CKMT2: variants seen among roughly 807,000 people sequenced by gnomAD.
The protein encoded by CKMT2 is creatine kinase S-type, mitochondrial.
A neutral mutation model predicts 48.9 loss-of-function variants in CKMT2; 43 were observed. The ratio of observed to expected loss-of-function variants is 0.88; its 90% CI spans 0.69 to 1.13. The LOEUF (loss-of-function observed/expected upper bound fraction) is 1.13. Among genes scored for constraint, CKMT2 ranks in the 50% most tolerant of loss-of-function variants. CKMT2 has a pLI of 0.00. For missense variants in CKMT2, 472 were observed against 555.4 expected, an observed-to-expected ratio of 0.85 and a Z score of 1.51; for synonymous variants, 206 against 213.0, an observed-to-expected ratio of 0.97 and a Z score of 0.29.
At chr5:81,253,498 G>A (rs1002316998) in intron 3 of CKMT2, among the ~76,000 whole-genome samples, 5 of 152,194 alleles carry the variant, frequency 3.3e-5, no homozygotes, top group African/African-American at 4.8e-5. Flanking sequence ...CCCCTCCACA[G>A]AGCAGCCTCT....
At chr5:81,241,283 A>G (rs1431294989) in intron 1 of CKMT2, among the ~76,000 whole-genome samples, 4 of 152,216 alleles carry the variant, frequency 2.6e-5, no homozygotes, top group Non-Finnish European at 5.9e-5. Context: ...TTACCCCACA[A>G]GCCCATGCAA....
At chr5:81,234,354 A>G (rs915281355) in intron 1 of CKMT2, among the ~76,000 whole-genome samples, 4 of 152,148 alleles carry the variant, frequency 2.6e-5, no homozygotes, top group African/African-American at 9.7e-5. Flanking sequence ...CGCTAGGTAC[A>G]CCAGTGTGCT....
Position 81,255,330 on chromosome 5 carries a change from T to C in CKMT2, c.669+116T>C, listed in dbSNP as rs949405230. The C allele has an allele frequency of 5.9e-5, 53 of 893,730 alleles. 1 individual carries two copies. Among genetic ancestry groups the C allele is most frequent in the Non-Finnish European group, 4.5e-5 (26 of 573,190 alleles). The allele number at this position is 893,730 out of a possible 1,614,324, so 55.4% of individuals were successfully genotyped here. A position where few individuals can be genotyped will look rare whatever the true frequency, so the allele number is the denominator to read the frequency against. ...TACCCTAGCTGGGAGCTTGCTGGGC[T>C]CCACCCCTGAGCTCAGCCCAAGAGC... On this transcript the variant is annotated intron_variant, in intron 5 of 9. Transcript: ENST00000254035.
intron 9 of CKMT2, among the ~76,000 whole-genome samples, chr5:81,264,156 C>A (rs1008057285): frequency 1.3e-5 from 2 of 152,156 alleles, no homozygotes; most frequent in African/African-American, 4.8e-5. Context: ...TCATAAAATC[C>A]TTAGGATTCT....
intron 9 of CKMT2, among the ~76,000 whole-genome samples, chr5:81,265,002 A>G (rs1232574382): frequency 1.3e-5 from 2 of 152,216 alleles, no homozygotes; most frequent in African/African-American, 4.8e-5. Flanking sequence ...AATCACAGTA[A>G]AGATAATCCA....
At chr5:81,263,771 T>C (rs1028081952) in intron 9 of CKMT2, among the ~76,000 whole-genome samples, 155 bp downstream of exon 9, 2 of 152,212 alleles carry the variant, frequency 1.3e-5, no homozygotes, top group African/African-American at 4.8e-5. Context: ...TGTAACATTA[T>C]TCTTCCATGG....
intron 1 of CKMT2, among the ~76,000 whole-genome samples, chr5:81,249,248 AG>A (rs1756719472): frequency 6.6e-6 from 1 of 152,116 alleles, no homozygotes; most frequent in South Asian, 2.1e-4. Context: ...TAGTAGAGAC[AG>A]GGTTTTGCTG....
At chr5:81,251,619 A>C (rs1486847037) in intron 2 of CKMT2, among the ~76,000 whole-genome samples, 9 of 152,150 alleles carry the variant, frequency 5.9e-5, no homozygotes, top group Admixed American at 1.3e-4. Context: ...AAAACAAAAA[A>C]AAATCTTCAA....
intron 1 of CKMT2, among the ~76,000 whole-genome samples, chr5:81,241,407 G>A (rs887446522): frequency 6.6e-6 from 1 of 152,116 alleles, no homozygotes; most frequent in Admixed American, 6.5e-5. Flanking sequence ...GGCTCCAGTC[G>A]ATTTTACAAC....
chr5:81,261,653 C>G (rs575219922), intron 8 of CKMT2, among the ~76,000 whole-genome samples: 1 of 152,094 alleles, frequency 6.6e-6, no homozygotes. Context: ...TGTGAAGGAC[C>G]TCTTCAAGGA....
At chr5:81,260,132 CGAAATAAAGGCA>C (rs1419643896) in intron 8 of CKMT2, among the ~76,000 whole-genome samples, 2 of 152,050 alleles carry the variant, frequency 1.3e-5, no homozygotes, top group Non-Finnish European at 2.9e-5. Flanking sequence ...GGGTAAATAA[CGAAATAAAGGCA>C]GAAATAAATA....
rs765878611 is a variant in CKMT2, at chr5:81,252,715, G to A, written c.173G>A (p.Arg58His). The change falls in exon 3 of 10, where the codon CGC (arginine) becomes CAC (histidine). Residue 58 changes from arginine to histidine, a missense_variant. By Grantham distance (29) the Arg-to-His change is conservative. Transcript: ENST00000254035. ...CACAGCGCAGACTACCCAGACCTGC[G>A]CAAGCACAACAACTGCATGGCCGAG... The part of the protein sequence containing the change: ...FPPSADYPDL[R>H]KHNNCMAECL... The A allele has an allele frequency of 8.1e-6, 13 of 1,614,034 alleles. No individual in the cohort carries two copies. Among genetic ancestry groups the A allele is most frequent in the Middle Eastern group, 1.6e-4 (1 of 6,084 alleles).
intron 1 of CKMT2, chr5:81,242,672 G>A (rs1580435056): frequency 4.8e-6 from 1 of 210,046 alleles, no homozygotes; most frequent in Non-Finnish European, 9.6e-6. Context: ...TTATTGCTGG[G>A]TGCCAAGCAA....
chr5:81,251,232 C>T lies in CKMT2; in HGVS notation c.100C>T (p.Arg34Trp), dbSNP rs780505629. ...CCTGACCACCGGGTACCTGCTGAAC[C>T]GGCAGAAAGTGTGTGCCGAGGTCCG... The part of the protein sequence containing the change: ...SVLTTGYLLN[R>W]QKVCAEVREQ... The change falls in exon 2 of 10, where the codon CGG becomes TGG. Residue 34 changes from arginine to tryptophan, a missense_variant. Physicochemically the swap from Arg to Trp is moderately radical, Grantham distance 101. Coordinates refer to ENST00000254035, the MANE Select transcript of CKMT2 (RefSeq NM_001099735.2). The T allele has an allele frequency of 1.6e-5, 26 of 1,614,078 alleles. No homozygotes were observed. The highest frequency in any genetic ancestry group is 8.9e-5 in the East Asian group (4 of 44,892).
rs1358124109 is a variant in CKMT2, at chr5:81,239,565, C to A, written c.-21+6188C>A. ...CATGGGTGTGCAGGGGTCTATTCAT[C>A]GTTTCCACTCGAATCCTTTGCAGGG... On this transcript the variant is annotated intron_variant, in intron 1 of 9. Transcript: ENST00000254035. Among the ~76,000 whole-genome samples the A allele has an allele frequency of 2.0e-5, 3 of 152,248 alleles. No homozygotes were observed. In the East Asian group the frequency reaches 5.8e-4, roughly 29 times the overall value.
chr5:81,243,544 T>C (rs932197579), intron 1 of CKMT2, among the ~76,000 whole-genome samples: 11 of 152,166 alleles, frequency 7.2e-5, no homozygotes, highest in South Asian at 6.2e-4. Context: ...AGGATATACA[T>C]GTGTGTTTTT....
intron 8 of CKMT2, among the ~76,000 whole-genome samples, chr5:81,261,947 C>T (rs1241173080): frequency 6.6e-6 from 1 of 152,162 alleles, no homozygotes; most frequent in Non-Finnish European, 1.5e-5. Flanking sequence ...AACTATACTA[C>T]AAGGCTACAG....
intron 1 of CKMT2, among the ~76,000 whole-genome samples, chr5:81,247,445 T>C (rs1205107175): frequency 6.6e-6 from 1 of 152,112 alleles, no homozygotes; most frequent in East Asian, 1.9e-4. Flanking sequence ...CTCTTCTGAG[T>C]AGGGGTTACA....
chr5:81,250,170 T>G (rs1468635830), intron 1 of CKMT2, among the ~76,000 whole-genome samples: 1 of 152,224 alleles, frequency 6.6e-6, no homozygotes, highest in Non-Finnish European at 1.5e-5. Context: ...CTGTGCTACA[T>G]TCTGAGTAAT....
Sources: gnomAD v4.1 joint callset for allele counts (sites outside exome capture counted in the v4.1 genomes callset) on GRCh38, gnomAD v4.1.1 for gene constraint, MANE v1.5 for transcripts, NCBI Gene and HGNC (gene_info 2026-07-23, HGNC 2026-07-21) for gene names.